The following RIMS1 variants were observed in gnomAD, a reference collection of about 807,000 sequenced individuals.
RIMS1 encodes regulating synaptic membrane exocytosis 1, also known as regulating synaptic membrane exocytosis protein 1.
A neutral mutation model predicts 214.1 loss-of-function variants in RIMS1; 83 were observed. The observed-to-expected ratio is 0.39, with a 90% CI of 0.32 to 0.47. The LOEUF (loss-of-function observed/expected upper bound fraction) is 0.47, where lower values mean the gene tolerates loss of function less well. Among genes scored for constraint, RIMS1 ranks in the 20% least tolerant of loss-of-function variants. The probability of loss-of-function intolerance (pLI) is 0.99; values close to 1 mark genes in which losing one functional copy is unlikely to be tolerated. For synonymous variants in RIMS1, 793 were observed against 786.8 expected (o/e 1.01, Z -0.13); for missense variants, 2,050 against 2,161.8 (o/e 0.95, Z 1.03).
At chr6:72,367,740 T>A (rs2098084109) in intron 29 of RIMS1, among the ~76,000 whole-genome samples, 1 of 152,172 alleles carries the variant, frequency 6.6e-6, no homozygotes, top group Non-Finnish European at 1.5e-5. Flanking sequence ...AAACATATAA[T>A]CTGTGCAGTA....
chr6:71,917,786 G>A, intron 1 of RIMS1, among the ~76,000 whole-genome samples: 1 of 152,256 alleles, frequency 6.6e-6, no homozygotes, highest in East Asian at 1.9e-4. Flanking sequence ...AGGATGGGCT[G>A]GTGTTTGAGC....
chr6:72,348,116 C>T (rs567215568), intron 29 of RIMS1, among the ~76,000 whole-genome samples: 182 of 151,876 alleles, frequency 1.2e-3, no homozygotes, highest in Admixed American at 3.9e-3. Context: ...CAAGCAAGCT[C>T]TTCTTAGTGG....
At chr6:72,104,107 G>C (rs1016221108) in intron 4 of RIMS1, among the ~76,000 whole-genome samples, 1 of 152,002 alleles carries the variant, frequency 6.6e-6, no homozygotes, top group Non-Finnish European at 1.5e-5. Flanking sequence ...AATCTAAACA[G>C]GAACTCTGAA....
At chr6:72,100,085 C>A in intron 4 of RIMS1, 99 bp downstream of exon 4, 1 of 947,620 alleles carries the variant, frequency 1.1e-6, no homozygotes, top group Non-Finnish European at 1.7e-6. Context: ...CTATATTTCA[C>A]AAGAAATTAT....
intron 2 of RIMS1, among the ~76,000 whole-genome samples, chr6:72,011,904 T>C (rs1230984644): frequency 6.6e-6 from 1 of 152,172 alleles, no homozygotes; most frequent in Non-Finnish European, 1.5e-5. Context: ...AGCTCAACCA[T>C]TGTGGAAGTC....
At chr6:71,964,352 C>T (rs999848437) in intron 1 of RIMS1, among the ~76,000 whole-genome samples, 2 of 152,016 alleles carry the variant, frequency 1.3e-5, no homozygotes, top group African/African-American at 4.8e-5. Context: ...GGTGGCAGGA[C>T]CTGATTTATC....
intron 4 of RIMS1, among the ~76,000 whole-genome samples, chr6:72,108,806 C>T (rs1257990930): frequency 1.3e-5 from 2 of 150,076 alleles, no homozygotes; most frequent in East Asian, 4.0e-4. Context: ...CCCATTAACT[C>T]GTCATTTAGC....
At position 72,065,038 on chromosome 6, in the gene RIMS1, ATC is replaced by A. The variant is rs371936946; in HGVS notation, c.246-31909_246-31908del. Among the ~76,000 whole-genome samples the A allele has an allele frequency of 4.5e-3, 689 of 152,352 alleles. 12 individuals carry two copies. Among genetic ancestry groups the A allele is most frequent in the African/African-American group, 0.015 (641 of 41,576 alleles). On this transcript the variant is annotated intron_variant, in intron 2 of 33. Coordinates refer to ENST00000521978, the MANE Select transcript of RIMS1 (RefSeq NM_014989.7). ...ATTTATTTGAAGTCCTGTTTAAAATATCTGTTTATGTTGTTAATCTAAATTAT... is the reference window on the plus strand; with the variant it reads ...ATTTATTTGAAGTCCTGTTTAAAATATGTTTATGTTGTTAATCTAAATTAT...
chr6:72,011,889 A>C (rs1436598049), intron 2 of RIMS1, among the ~76,000 whole-genome samples: 1 of 152,226 alleles, frequency 6.6e-6, no homozygotes, highest in East Asian at 1.9e-4. Flanking sequence ...GTGGGACGGT[A>C]AACTAGCTCA....
At chr6:72,375,649 G>C (rs2098353567) in intron 29 of RIMS1, among the ~76,000 whole-genome samples, 1 of 152,118 alleles carries the variant, frequency 6.6e-6, no homozygotes, top group Non-Finnish European at 1.5e-5. Context: ...AGTTGAATTT[G>C]CTTTTTCTAT....
At chr6:72,050,063 T>A (rs908389886) in intron 2 of RIMS1, among the ~76,000 whole-genome samples, 1 of 152,214 alleles carries the variant, frequency 6.6e-6, no homozygotes, top group African/African-American at 2.4e-5. Flanking sequence ...TAATTAGTGA[T>A]AAAGAGTTTG....
chr6:71,993,275 T>C (rs1802436896), intron 2 of RIMS1, among the ~76,000 whole-genome samples: 1 of 152,170 alleles, frequency 6.6e-6, no homozygotes, highest in Admixed American at 6.5e-5. Flanking sequence ...GGCCACAAAG[T>C]CTCTCAAGGC....
At chr6:72,002,027 G>T (rs1805429746) in intron 2 of RIMS1, among the ~76,000 whole-genome samples, 1 of 152,140 alleles carries the variant, frequency 6.6e-6, no homozygotes, top group Middle Eastern at 3.2e-3. Flanking sequence ...CTAAGGACAT[G>T]GTAGGGGAGA....
At chr6:72,240,623 CTTTTTTCT>C (rs1041610880) in intron 9 of RIMS1, among the ~76,000 whole-genome samples, 3 of 102,502 alleles carry the variant, frequency 2.9e-5, no homozygotes, top group African/African-American at 1.1e-4. Flanking sequence ...TATTATATTT[CTTTTTTCT>C]TTTTTTTTTT....
intron 1 of RIMS1, among the ~76,000 whole-genome samples, chr6:71,908,573 A>T (rs1486708040): frequency 6.6e-6 from 1 of 152,192 alleles, no homozygotes; most frequent in Non-Finnish European, 1.5e-5. Flanking sequence ...GGGTGGCTGC[A>T]TATAAGTATC....
intron 2 of RIMS1, among the ~76,000 whole-genome samples, chr6:71,995,520 G>C (rs1803159923): frequency 6.6e-6 from 1 of 151,230 alleles, no homozygotes; most frequent in Non-Finnish European, 1.5e-5. Context: ...GTTTGTGTTT[G>C]TTTGTGTGTG....
intron 5 of RIMS1, among the ~76,000 whole-genome samples, chr6:72,180,965 A>G (rs894217442): frequency 6.6e-6 from 1 of 152,220 alleles, no homozygotes; most frequent in Non-Finnish European, 1.5e-5. Flanking sequence ...AAGCTGGCAC[A>G]TAGTAGGCTT....
chr6:72,282,459 A>G (rs2090596458), intron 23 of RIMS1, among the ~76,000 whole-genome samples: 1 of 152,032 alleles, frequency 6.6e-6, no homozygotes, highest in Non-Finnish European at 1.5e-5. Flanking sequence ...TTAATGTCAG[A>G]GAGAGAGAGT....
intron 4 of RIMS1, among the ~76,000 whole-genome samples, chr6:72,109,730 C>A (rs2035619825): frequency 6.6e-6 from 1 of 152,166 alleles, no homozygotes; most frequent in Non-Finnish European, 1.5e-5. Flanking sequence ...TCAATTTTGG[C>A]TTTTGTTGCC....
Sources: allele counts gnomAD v4.1 joint callset (sites outside exome capture counted in the v4.1 genomes callset), GRCh38; gene constraint gnomAD v4.1.1; transcripts MANE v1.5; gene names NCBI Gene and HGNC (gene_info 2026-07-23, HGNC 2026-07-21).